The following PXDNL variants were observed in gnomAD, a reference collection of about 807,000 sequenced individuals.
PXDNL encodes probable oxidoreductase PXDNL.
In PXDNL, 145 loss-of-function variants were observed where a neutral mutation model predicts 150.8. The observed-to-expected ratio is 0.96, with a 90% CI of 0.84 to 1.10. The LOEUF (loss-of-function observed/expected upper bound fraction) is 1.10, where lower values mean the gene tolerates loss of function less well. Ranked by LOEUF, PXDNL falls within the 50% of genes least tolerant of loss-of-function variation. PXDNL has a pLI of 0.00. For synonymous variants in PXDNL, 757 were observed against 725.7 expected (o/e 1.04, Z -0.69); for missense variants, 2,087 against 1,873.9 (o/e 1.11, Z -2.10).
intron 3 of PXDNL, among the ~76,000 whole-genome samples, chr8:51,580,532 C>T (rs1813185422): frequency 6.6e-6 from 1 of 152,096 alleles, no homozygotes; most frequent in Admixed American, 6.6e-5. Context: ...TCATACAAAA[C>T]CAATTTGTTC....
chr8:51,416,967 T>G (rs1393317045), intron 14 of PXDNL, among the ~76,000 whole-genome samples: 8 of 151,264 alleles, frequency 5.3e-5, no homozygotes, highest in Admixed American at 5.2e-4. Context: ...AAACTAACTC[T>G]TTTATTATTC....
chr8:51,354,431 C>T (rs1269988736), intron 19 of PXDNL, among the ~76,000 whole-genome samples: 5 of 151,960 alleles, frequency 3.3e-5, no homozygotes, highest in African/African-American at 4.8e-5. Context: ...AAGTATTATG[C>T]GAACACTCTT....
chr8:51,590,088 G>A (rs1214830014), intron 3 of PXDNL, among the ~76,000 whole-genome samples: 1 of 152,004 alleles, frequency 6.6e-6, no homozygotes, highest in Non-Finnish European at 1.5e-5. Flanking sequence ...AGCCACATTG[G>A]GTCTCTGCTT....
intron 1 of PXDNL, among the ~76,000 whole-genome samples, chr8:51,753,026 G>A (rs140460039): frequency 2.3e-4 from 35 of 152,272 alleles, no homozygotes; most frequent in African/African-American, 3.8e-4. Flanking sequence ...GCCTCCAGCC[G>A]GTGCCATTCG....
chr8:51,329,848 T>C (rs889832378), intron 21 of PXDNL, among the ~76,000 whole-genome samples: 1 of 152,122 alleles, frequency 6.6e-6, no homozygotes, highest in Non-Finnish European at 1.5e-5. Flanking sequence ...CTATAAGGAA[T>C]TGGATCCATG....
chr8:51,732,360 A>C (rs1030220353), intron 1 of PXDNL, among the ~76,000 whole-genome samples: 2 of 152,108 alleles, frequency 1.3e-5, no homozygotes, highest in Non-Finnish European at 2.9e-5. Context: ...CCTCATCTCC[A>C]TCTGAGACCA....
intron 19 of PXDNL, among the ~76,000 whole-genome samples, chr8:51,355,159 T>A (rs1346276958): frequency 6.6e-6 from 1 of 152,188 alleles, no homozygotes; most frequent in Non-Finnish European, 1.5e-5. Flanking sequence ...GAAATCTTAC[T>A]TCTTTAGTAA....
chr8:51,608,034 A>AAAG (rs1563481697), intron 2 of PXDNL, among the ~76,000 whole-genome samples: 12 of 113,956 alleles, frequency 1.1e-4, no homozygotes, highest in African/African-American at 4.8e-4. Context: ...AGAAAGAAAG[A>AAAG]AAGAAAGAAA....
chr8:51,464,910 A>G (rs1248042329), intron 8 of PXDNL, among the ~76,000 whole-genome samples: 1 of 152,192 alleles, frequency 6.6e-6, no homozygotes, highest in Non-Finnish European at 1.5e-5. Context: ...TGAATCTGTA[A>G]TAAAAATCCT....
intron 1 of PXDNL, among the ~76,000 whole-genome samples, chr8:51,712,178 G>T (rs1816516975): frequency 6.6e-6 from 1 of 152,074 alleles, no homozygotes; most frequent in Non-Finnish European, 1.5e-5. Context: ...TCAGTTCTTT[G>T]ATTTTTTTTT....
chr8:51,413,106 A>G (rs1808698495), intron 15 of PXDNL, 44 bp downstream of exon 15: 1 of 1,182,244 alleles, frequency 8.5e-7, no homozygotes. Flanking sequence ...TAAGTAGAAC[A>G]GAAATGAAAA....
At chr8:51,498,859 T>C (rs1811116433) in intron 5 of PXDNL, among the ~76,000 whole-genome samples, 2 of 152,252 alleles carry the variant, frequency 1.3e-5, no homozygotes, top group Admixed American at 1.3e-4. Flanking sequence ...GTTTAGATTA[T>C]TATTCTCAGA....
At chr8:51,743,503 T>C (rs2036929620) in intron 1 of PXDNL, among the ~76,000 whole-genome samples, 1 of 152,082 alleles carries the variant, frequency 6.6e-6, no homozygotes, top group African/African-American at 2.4e-5. Flanking sequence ...TGCCTCAGCC[T>C]CCCAAGTAGC....
chr8:51,457,348 G>T (rs1021843492), intron 9 of PXDNL, 150 bp downstream of exon 9: 1 of 638,870 alleles, frequency 1.6e-6, no homozygotes, highest in Non-Finnish European at 2.5e-6. Flanking sequence ...AACTTCAAGA[G>T]AAAAAAATTC....
At chr8:51,767,246 G>A (rs1365138890) in intron 1 of PXDNL, among the ~76,000 whole-genome samples, 1 of 151,414 alleles carries the variant, frequency 6.6e-6, no homozygotes, top group Non-Finnish European at 1.5e-5. Context: ...GTTCCTCTTT[G>A]CCTTTCTCTC....
intron 21 of PXDNL, among the ~76,000 whole-genome samples, chr8:51,336,808 G>A (rs1278975978): frequency 6.6e-6 from 1 of 152,212 alleles, no homozygotes; most frequent in Non-Finnish European, 1.5e-5. Flanking sequence ...ACTGGGAACT[G>A]CTGCAACTTC....
chr8:51,669,121 T>C (rs1282034247), intron 1 of PXDNL, among the ~76,000 whole-genome samples: 1 of 152,242 alleles, frequency 6.6e-6, no homozygotes, highest in African/African-American at 2.4e-5. Flanking sequence ...TTATTTTCTT[T>C]CAGGTGAACT....
intron 11 of PXDNL, among the ~76,000 whole-genome samples, chr8:51,447,529 T>C (rs1426209013): frequency 3.3e-5 from 5 of 152,224 alleles, no homozygotes; most frequent in Non-Finnish European, 7.3e-5. Context: ...GTTTATCATG[T>C]GTATGCAATA....
intron 2 of PXDNL, among the ~76,000 whole-genome samples, chr8:51,597,064 C>G (rs1040642207): frequency 6.6e-6 from 1 of 152,194 alleles, no homozygotes; most frequent in Non-Finnish European, 1.5e-5. Flanking sequence ...TTTAATCCAT[C>G]TTGAGTTAAT....
Sources: allele counts gnomAD v4.1 joint callset (sites outside exome capture counted in the v4.1 genomes callset), GRCh38; gene constraint gnomAD v4.1.1; transcripts MANE v1.5; gene names NCBI Gene and HGNC (gene_info 2026-07-23, HGNC 2026-07-21).